ADAM12: variants seen among roughly 807,000 people sequenced by gnomAD.
ADAM12 encodes ADAM metallopeptidase domain 12.
A neutral mutation model predicts 106.4 loss-of-function variants in ADAM12; 70 were observed. That is an observed-to-expected ratio of 0.66 (90% confidence interval 0.54 to 0.80). The LOEUF (loss-of-function observed/expected upper bound fraction) is 0.80. Among genes scored for constraint, ADAM12 ranks in the 30% least tolerant of loss-of-function variants. The pLI is 0.00. For synonymous variants in ADAM12, 420 were observed against 433.5 expected (o/e 0.97, Z 0.39); for missense variants, 1,010 against 1,171.9 (o/e 0.86, Z 2.02).
chr10:126,197,751 A>G (rs1267382157), intron 3 of ADAM12, among the ~76,000 whole-genome samples: 3 of 152,216 alleles, frequency 2.0e-5, no homozygotes, highest in Non-Finnish European at 4.4e-5. Flanking sequence ...ATGAATTTGG[A>G]GGCTGAAGTA....
intron 3 of ADAM12, among the ~76,000 whole-genome samples, chr10:126,248,944 G>T (rs962994468): frequency 6.6e-6 from 1 of 152,000 alleles, no homozygotes; most frequent in African/African-American, 2.4e-5. Context: ...GACCTCAAGT[G>T]ATCTGCCCCG....
intron 3 of ADAM12, chr10:126,273,435 A>T (rs1959191055): frequency 6.6e-6 from 1 of 152,256 alleles, no homozygotes; most frequent in African/African-American, 2.4e-5. Flanking sequence ...CAGTGAAAAT[A>T]AAAGTTTAAC....
intron 1 of ADAM12, among the ~76,000 whole-genome samples, chr10:126,340,476 C>T (rs924777374): frequency 1.3e-5 from 2 of 152,062 alleles, no homozygotes; most frequent in Admixed American, 6.5e-5. Context: ...CCCAGGATCA[C>T]ACAAATCATG....
intron 3 of ADAM12, among the ~76,000 whole-genome samples, chr10:126,167,939 C>G (rs1957052910): frequency 6.6e-6 from 1 of 152,254 alleles, no homozygotes. Flanking sequence ...CACACTCTTA[C>G]AGCGGCAATG....
intron 2 of ADAM12, among the ~76,000 whole-genome samples, chr10:126,315,627 A>C (rs894853268): frequency 2.0e-5 from 3 of 152,060 alleles, no homozygotes; most frequent in African/African-American, 4.8e-5. Context: ...TTCCAGACTG[A>C]ACCAGACGAG....
rs182206762 is a variant in ADAM12 at position 126,041,557 on chromosome 10, C to T, written c.2104+1483G>A. 2.9e-5 allele frequency: 29 copies of T among 985,958 alleles called. No homozygotes were observed. The East Asian group carries it at 2.8e-3, about 96-fold the overall frequency. 61.1% of individuals were successfully genotyped at this position (985,958 alleles called of 1,614,324 possible). A position where few individuals can be genotyped will look rare whatever the true frequency, so the allele number is the denominator to read the frequency against. ...AGTTCACCGCCCTTTCTCCTACCTT[C>T]TTCTCCAGTTTGTTTCATTGCCATT... On this transcript the variant is annotated intron_variant, in intron 18 of 22. Coordinates refer to ENST00000448723, the MANE Select transcript of ADAM12 (RefSeq NM_001288973.2).
At chr10:126,374,997 A>G (rs527476466) in intron 1 of ADAM12, among the ~76,000 whole-genome samples, 2 of 152,348 alleles carry the variant, frequency 1.3e-5, no homozygotes, top group African/African-American at 4.8e-5. Context: ...GCAAAGGCAC[A>G]GTCATTAAAT....
At chr10:126,074,773 T>G (rs1955066384) in intron 11 of ADAM12, among the ~76,000 whole-genome samples, 1 of 152,200 alleles carries the variant, frequency 6.6e-6, no homozygotes, top group Non-Finnish European at 1.5e-5. Flanking sequence ...CAGGGATGCC[T>G]CTGTTTTAAA....
chr10:126,274,189 G>T (rs1959197855), intron 3 of ADAM12, among the ~76,000 whole-genome samples: 1 of 152,164 alleles, frequency 6.6e-6, no homozygotes, highest in African/African-American at 2.4e-5. Flanking sequence ...TGTCATGGTT[G>T]GCGGAAGAGG....
chr10:126,097,792 C>T (rs550730890), intron 10 of ADAM12, among the ~76,000 whole-genome samples: 1 of 152,298 alleles, frequency 6.6e-6, no homozygotes, highest in African/African-American at 2.4e-5. Flanking sequence ...CTCCCTCCTA[C>T]ATTCATAACG....
intron 3 of ADAM12, among the ~76,000 whole-genome samples, chr10:126,190,012 T>C (rs999442030): frequency 6.6e-6 from 1 of 152,066 alleles, no homozygotes; most frequent in Non-Finnish European, 1.5e-5. Context: ...GCATTGTGAA[T>C]GGGATCCTGA....
intron 21 of ADAM12, among the ~76,000 whole-genome samples, chr10:126,020,992 C>CAAAAA (rs3067295): frequency 0.018 from 1,779 of 98,160 alleles, 53 homozygotes; most frequent in Admixed American, 0.042. Context: ...GACTCTGTCT[C>CAAAAA]AAAAAAAAAA....
intron 3 of ADAM12, among the ~76,000 whole-genome samples, chr10:126,192,431 C>T (rs569837314): frequency 5.3e-5 from 8 of 152,160 alleles, no homozygotes; most frequent in Non-Finnish European, 1.2e-4. Context: ...TCAGCTTTAC[C>T]TTCCAAAGGC....
At chr10:126,239,343 A>G (rs761438274) in intron 3 of ADAM12, among the ~76,000 whole-genome samples, 12 of 152,254 alleles carry the variant, frequency 7.9e-5, no homozygotes, top group Non-Finnish European at 1.8e-4. Flanking sequence ...TAGAATATCA[A>G]GAAGGCATGT....
chr10:126,377,022 G>C (rs1856318554), intron 1 of ADAM12, among the ~76,000 whole-genome samples: 1 of 152,192 alleles, frequency 6.6e-6, no homozygotes, highest in African/African-American at 2.4e-5. Context: ...TTTGGGGTGA[G>C]CAACGATCCC....
chr10:126,036,466 G>A (rs1304910733), intron 20 of ADAM12, 141 bp from the exon 21 acceptor site: 2 of 747,462 alleles, frequency 2.7e-6, no homozygotes, highest in Non-Finnish European at 4.0e-6. Flanking sequence ...ATGTACACAA[G>A]AGGGGAATTA....
At chr10:126,164,638 A>T (rs756356322) in intron 3 of ADAM12, among the ~76,000 whole-genome samples, 42 of 152,388 alleles carry the variant, frequency 2.8e-4, no homozygotes, top group Non-Finnish European at 6.0e-4. Context: ...GATATCCTTT[A>T]ATGAAAACTG....
intron 2 of ADAM12, among the ~76,000 whole-genome samples, chr10:126,318,373 TCCA>T (rs1358492090): frequency 6.6e-6 from 1 of 151,118 alleles, no homozygotes; most frequent in Non-Finnish European, 1.5e-5. Context: ...CTCGCATACA[TCCA>T]CAAGCTCAGA....
intron 1 of ADAM12, among the ~76,000 whole-genome samples, chr10:126,334,119 G>A (rs1015144271): frequency 1.3e-5 from 2 of 152,008 alleles, no homozygotes; most frequent in Non-Finnish European, 2.9e-5. Flanking sequence ...TTCACTGCAC[G>A]GATAGACAGA....
Sources: gnomAD v4.1 joint callset for allele counts (sites outside exome capture counted in the v4.1 genomes callset) on GRCh38, gnomAD v4.1.1 for gene constraint, MANE v1.5 for transcripts, NCBI Gene and HGNC (gene_info 2026-07-23, HGNC 2026-07-21) for gene names.